SPEF2: variants seen among roughly 807,000 people sequenced by gnomAD.
SPEF2 encodes sperm flagella and cilia-associated protein 2.
In SPEF2, 187 loss-of-function variants were observed where a neutral mutation model predicts 224.6. The ratio of observed to expected loss-of-function variants is 0.83; its 90% CI spans 0.74 to 0.94. The LOEUF (loss-of-function observed/expected upper bound fraction) is 0.94, where lower values mean the gene tolerates loss of function less well. SPEF2 is among the 40% of genes least tolerant of loss of function. SPEF2 has a pLI of 0.00. For missense variants in SPEF2, 2,170 were observed against 2,135.6 expected (o/e 1.02, Z -0.32); for synonymous variants, 715 against 707.3 (o/e 1.01, Z -0.17).
At position 35,704,598 on chromosome 5, in the gene SPEF2, C is replaced by A; in HGVS notation, c.2443C>A (p.Arg815Ser). ...YKTAHEDISQ[R>S]VAAENQDKDG... ...AACTGCTCACGAAGATATCAGTCAACGTGTAGCTGCTGAAAACCAAGATAA... is the reference window on the plus strand; with the variant it reads ...AACTGCTCACGAAGATATCAGTCAAAGTGTAGCTGCTGAAAACCAAGATAA... Residue 815 changes from arginine (R) to serine (S), a missense_variant, in exon 17 of 37, where the codon CGT (arginine) becomes AGT (serine). Coordinates refer to ENST00000356031, the MANE Select transcript of SPEF2 (RefSeq NM_024867.4). The A allele has an allele frequency of 6.2e-7, 1 of 1,612,806 alleles. No individual in the cohort carries two copies.
At chr5:35,744,063 G>C (rs1451844362) in intron 23 of SPEF2, among the ~76,000 whole-genome samples, 4 of 152,132 alleles carry the variant, frequency 2.6e-5, no homozygotes, top group Admixed American at 1.3e-4. Context: ...ACTTCTACCT[G>C]ATATCAATAC....
In SPEF2 at chr5:35,776,254, T is replaced by C; in HGVS notation, c.4079-3T>C. The stretch of plus-strand genomic sequence containing the variant: ...AAACATTCTTATTTCTCTTTGCAAA[T>C]AGAAATAGCCACGCAATTTCGACTT... On this transcript the variant is annotated splice_region_variant and splice_polypyrimidine_tract_variant and intron_variant, in intron 28 of 36. Transcript: ENST00000356031. The C allele has an allele frequency of 6.2e-7, 1 of 1,601,534 alleles. No homozygotes were observed. The highest frequency in any genetic ancestry group is 1.3e-5 in the African/African-American group (1 of 74,114).
At chr5:35,729,152 A>G (rs895975460) in intron 21 of SPEF2, among the ~76,000 whole-genome samples, 1 of 152,100 alleles carries the variant, frequency 6.6e-6, no homozygotes, top group African/African-American at 2.4e-5. Flanking sequence ...TCGGGATTCT[A>G]TAGAAAACAT....
chr5:35,734,265 A>T (rs1444475646), intron 21 of SPEF2, among the ~76,000 whole-genome samples: 1 of 152,176 alleles, frequency 6.6e-6, no homozygotes, highest in Non-Finnish European at 1.5e-5. Context: ...ACTAGCCTGC[A>T]TTCTCTCCGT....
At chr5:35,752,334 G>A (rs1442067591) in intron 23 of SPEF2, among the ~76,000 whole-genome samples, 1 of 152,106 alleles carries the variant, frequency 6.6e-6, no homozygotes, top group African/African-American at 2.4e-5. Context: ...TGTCACTCAG[G>A]CTGAGGTGCA....
chr5:35,697,742 G>GA lies in SPEF2; in HGVS notation c.2093dup (p.Ser699GlufsTer4). ...AAATCAGAACAGTTGCTGAAGAAAGGAAAGAGCATTCCTGATGTGCTGCTT... is the reference window on the plus strand; with the variant it reads ...AAATCAGAACAGTTGCTGAAGAAAGGAAAAGAGCATTCCTGATGTGCTGCTT... On this transcript the variant is annotated frameshift_variant, in exon 15 of 37. Transcript: ENST00000356031. LOFTEE classifies it high-confidence loss of function. The GA allele has an allele frequency of 6.2e-7, 1 of 1,613,368 alleles. No individual in the cohort carries two copies.
rs771501026 is a variant in SPEF2, at chr5:35,641,475, C to T, written c.206C>T (p.Thr69Ile). ...KLNNFSRLEP[T>I]LNLLGVQFDQ... Reference sequence around the variant, plus strand: ...AATAATTTTTCTCGCTTGGAGCCAACACTTAACCTTCTGGGTGTGCAGTTT... The same window carrying T: ...AATAATTTTTCTCGCTTGGAGCCAATACTTAACCTTCTGGGTGTGCAGTTT... Residue 69 changes from threonine (T) to isoleucine (I), a missense_variant, in exon 3 of 37, where the codon ACA becomes ATA. Coordinates refer to ENST00000356031, the MANE Select transcript of SPEF2 (RefSeq NM_024867.4). 1.2e-6 allele frequency: 2 copies of T among 1,613,666 alleles called. No homozygotes were observed. Among genetic ancestry groups the T allele is most frequent in the South Asian group, 1.1e-5 (1 of 91,066 alleles).
intron 26 of SPEF2, 41 bp from the exon 27 acceptor site, chr5:35,771,568 T>C (rs1752864133): frequency 1.3e-6 from 2 of 1,578,170 alleles, no homozygotes; most frequent in East Asian, 4.5e-5. Flanking sequence ...CCATATTTTG[T>C]AAATGAGACA....
intron 2 of SPEF2, among the ~76,000 whole-genome samples, chr5:35,632,054 C>T (rs1286627212): frequency 1.3e-5 from 2 of 152,204 alleles, no homozygotes; most frequent in African/African-American, 2.4e-5. Context: ...CACTTTTCCA[C>T]ATTTTCCTGT....
In SPEF2 at chr5:35,773,920, C is replaced by T. The variant is rs2149788017; in HGVS notation, c.3977C>T (p.Thr1326Ile). 1 of 1,613,010 alleles carries T rather than the reference C, an allele frequency of 6.2e-7. No individual in the cohort carries two copies. Among genetic ancestry groups the T allele is most frequent in the Non-Finnish European group, 8.5e-7 (1 of 1,179,494 alleles). Reference protein sequence around the residue: ...KGKSPPMAEATPVIVTTEEIA... With the variant: ...KGKSPPMAEAIPVIVTTEEIA... ...AAATCACCACCTATGGCAGAAGCAACTCCTGTCATAGTAACAACAGAGGAA... is the reference window on the plus strand; with the variant it reads ...AAATCACCACCTATGGCAGAAGCAATTCCTGTCATAGTAACAACAGAGGAA... The change falls in exon 28 of 37, where the codon ACT becomes ATT. Residue 1326 changes from threonine to isoleucine, a missense_variant. Coordinates refer to ENST00000356031, the MANE Select transcript of SPEF2 (RefSeq NM_024867.4).
At chr5:35,620,179 C>T (rs1215775352) in intron 1 of SPEF2, among the ~76,000 whole-genome samples, 1 of 152,152 alleles carries the variant, frequency 6.6e-6, no homozygotes, top group Non-Finnish European at 1.5e-5. Context: ...CTCAAGGAAG[C>T]ACATTTCCTG....
intron 30 of SPEF2, among the ~76,000 whole-genome samples, chr5:35,786,395 C>CA: frequency 6.6e-6 from 1 of 152,124 alleles, no homozygotes; most frequent in Non-Finnish European, 1.5e-5. Context: ...CGTGGTGGCT[C>CA]ACGCCAGTAA....
At chr5:35,762,289 C>G (rs985719971) in intron 25 of SPEF2, among the ~76,000 whole-genome samples, 3 of 152,136 alleles carry the variant, frequency 2.0e-5, no homozygotes, top group Non-Finnish European at 4.4e-5. Context: ...AAGTTATATG[C>G]CACCACTGCT....
chr5:35,770,135 T>C (rs1176673000), intron 26 of SPEF2, among the ~76,000 whole-genome samples: 1 of 151,916 alleles, frequency 6.6e-6, no homozygotes, highest in African/African-American at 2.4e-5. Flanking sequence ...CCAGGGGCAG[T>C]TGAACTTATT....
chr5:35,641,709 G>A, intron 3 of SPEF2, 26 bp downstream of exon 3: 1 of 1,589,906 alleles, frequency 6.3e-7, no homozygotes, highest in East Asian at 2.2e-5. Context: ...AGCATAATAA[G>A]CATGTCACAG....
chr5:35,714,156 C>T (rs7726714), intron 20 of SPEF2, among the ~76,000 whole-genome samples: 499 of 10,598 alleles, frequency 0.047, 124 homozygotes, highest in Middle Eastern at 0.17. Context: ...ATACTGGCAA[C>T]GGATTTTAAT....
At chr5:35,759,088 AGTT>A (rs1750864265) in intron 24 of SPEF2, among the ~76,000 whole-genome samples, 1 of 151,386 alleles carries the variant, frequency 6.6e-6, no homozygotes, top group Admixed American at 6.6e-5. Context: ...CCACAGCTAA[AGTT>A]GTTCTAGAGA....
At chr5:35,768,218 A>G (rs1365584446) in intron 26 of SPEF2, among the ~76,000 whole-genome samples, 1 of 152,156 alleles carries the variant, frequency 6.6e-6, no homozygotes, top group Non-Finnish European at 1.5e-5. Flanking sequence ...TGCTGATGTC[A>G]ATATTAGTGA....
chr5:35,641,660 ATGAAAAG>A lies in SPEF2; in HGVS notation c.395_401del (p.Lys132IlefsTer10). 1 of 1,613,246 alleles carries A rather than the reference ATGAAAAG, an allele frequency of 6.2e-7. No individual in the cohort carries two copies. The highest frequency in any genetic ancestry group is 8.5e-7 in the Non-Finnish European group (1 of 1,179,590). On this transcript the variant is annotated frameshift_variant, in exon 3 of 37. Coordinates refer to ENST00000356031, the MANE Select transcript of SPEF2 (RefSeq NM_024867.4). LOFTEE classifies it high-confidence loss of function. ...TCTGACAAATTTAAGACTTCAAAAC[ATGAAAAG>A]TGATACTTTTCAAGAGGTAGGTACA...
Sources: allele counts gnomAD v4.1 joint callset (sites outside exome capture counted in the v4.1 genomes callset), GRCh38; gene constraint gnomAD v4.1.1; transcripts MANE v1.5; gene names NCBI Gene and HGNC (gene_info 2026-07-23, HGNC 2026-07-21).